Variants in PRPF40B observed in about 807,000 individuals in gnomAD.
The protein encoded by PRPF40B is pre-mRNA-processing factor 40 homolog B.
A neutral mutation model predicts 124.5 loss-of-function variants in PRPF40B; 56 were observed. The ratio of observed to expected loss-of-function variants is 0.45; its 90% CI spans 0.36 to 0.56. The LOEUF (loss-of-function observed/expected upper bound fraction) is 0.56, where lower values mean the gene tolerates loss of function less well. PRPF40B is among the 20% of genes least tolerant of loss of function. PRPF40B has a pLI of 0.00. For missense variants in PRPF40B, 1,053 were observed against 1,169.5 expected (o/e 0.90, Z 1.45); for synonymous variants, 443 against 426.4 (o/e 1.04, Z -0.48).
At chr12:49,636,888 G>T (rs535964869) in intron 16 of PRPF40B, 39 bp downstream of exon 16, 5 of 1,611,670 alleles carry the variant, frequency 3.1e-6, no homozygotes, top group Middle Eastern at 2.1e-4. Context: ...GCTCAGCTCT[G>T]CCCTAGAGCA....
rs773749747 is a variant in PRPF40B, at chr12:49,631,874, A to G, written c.243A>G (p.Val81=). 4.3e-6 allele frequency: 7 copies of G among 1,613,922 alleles called. No individual in the cohort carries two copies. The East Asian group carries it at 1.6e-4, about 36-fold the overall frequency. Residue 81 remains valine (V), a synonymous_variant, in exon 4 of 26, where the codon GTA becomes GTG. Transcript: ENST00000548825. The surrounding 1 kb of genome is among the most constrained non-coding windows in gnomAD (Gnocchi z 4.3). The part of the protein sequence containing the change: ...PPPLTQIPGM[V]PPMMPGMLMP... The stretch of plus-strand genomic sequence containing the variant: ...TGTATCCATAGATACCAGGAATGGT[A>G]CCTCCGATGATGCCAGGAATGCTGA...
chr12:49,632,275 CCTT>C (rs1941296394), intron 4 of PRPF40B: 3 of 574,454 alleles, frequency 5.2e-6, no homozygotes, highest in Non-Finnish European at 9.3e-6. Flanking sequence ...TCTTGCTGTG[CCTT>C]CTTATGCTAT....
Position 49,642,759 on chromosome 12 carries a change from T to C in PRPF40B, c.2118+84T>C. The C allele has an allele frequency of 1.3e-6, 2 of 1,491,472 alleles. No individual in the cohort carries two copies. Among genetic ancestry groups the C allele is most frequent in the Middle Eastern group, 1.7e-4 (1 of 5,860 alleles). The allele number at this position is 1,491,472 out of a possible 1,614,324, so 92.4% of individuals were successfully genotyped here. On this transcript the variant is annotated intron_variant, in intron 21 of 25. Coordinates refer to ENST00000548825, the MANE Select transcript of PRPF40B (RefSeq NM_001031698.3). The surrounding 1 kb of genome is among the most constrained non-coding windows in gnomAD (Gnocchi z 5.8). ...AACAGAGACCTCAGTGGCCTCCCTC[T>C]TACCCTTAGGGCACTCCTGGCCAGC... is the stretch of plus-strand genomic sequence containing the variant.
chr12:49,628,570 T>C (rs1385335692), intron 1 of PRPF40B, among the ~76,000 whole-genome samples: 1 of 146,254 alleles, frequency 6.8e-6, no homozygotes, highest in African/African-American at 2.6e-5. Flanking sequence ...CAGTTTTTTT[T>C]TTTTTTTTTT....
intron 4 of PRPF40B, chr12:49,632,392 C>T (rs756726115): frequency 3.5e-5 from 22 of 624,236 alleles, no homozygotes; most frequent in East Asian, 5.4e-5. Context: ...TTGAGGAGAA[C>T]GAAGAATGGA....
intron 10 of PRPF40B, 29 bp downstream of exon 10, chr12:49,634,121 A>T (rs766370886): frequency 6.2e-7 from 1 of 1,604,056 alleles, no homozygotes; most frequent in East Asian, 2.2e-5. Context: ...GGCATTCCCA[A>T]TGTTGGCCTC....
In PRPF40B at chr12:49,644,512, G is replaced by A; in HGVS notation, c.*320G>A. 1 of 364,112 alleles carries A rather than the reference G, an allele frequency of 2.7e-6. No homozygotes were observed. Among genetic ancestry groups the A allele is most frequent in the Non-Finnish European group, 5.3e-6 (1 of 189,644 alleles). The allele number at this position is 364,112 out of a possible 1,614,324, so 22.6% of individuals were successfully genotyped here. On this transcript the variant is annotated 3_prime_UTR_variant, in exon 26 of 26. Transcript: ENST00000548825. The stretch of plus-strand genomic sequence containing the variant: ...GAAGAGTCACAGGCTGTTGGACGCA[G>A]CCTGGGTGGCAGAGGGCAGGGTCAT...
chr12:49,636,360 A>G, intron 15 of PRPF40B: 1 of 403,442 alleles, frequency 2.5e-6, no homozygotes, highest in South Asian at 4.1e-5. Flanking sequence ...GTTGGCCTGT[A>G]ATTACTGATG....
At chr12:49,623,892 GA>G in intron 1 of PRPF40B, 2 of 1,175,116 alleles carry the variant, frequency 1.7e-6, no homozygotes, top group Non-Finnish European at 2.1e-6. Context: ...GAAAGATCGG[GA>G]AAGAAGAGAG....
rs547219479 is a variant in PRPF40B at position 49,631,305 on chromosome 12, G to T, written c.85-96G>T. Reference sequence around the variant, plus strand: ...TGCCTCAGAGCAGGGTGGAGGGTTGGGGAGGGAGGTGGTGGATATTTCCTG... The same window carrying T: ...TGCCTCAGAGCAGGGTGGAGGGTTGTGGAGGGAGGTGGTGGATATTTCCTG... On this transcript the variant is annotated intron_variant, in intron 2 of 25. Transcript: ENST00000548825. The surrounding 1 kb of genome is among the most constrained non-coding windows in gnomAD (Gnocchi z 4.3). The T allele has an allele frequency of 2.2e-6, 2 of 892,586 alleles. No homozygotes were observed. The highest frequency in any genetic ancestry group is 2.8e-5 in the East Asian group (1 of 35,588). 55.3% of individuals were successfully genotyped at this position (892,586 alleles called of 1,614,324 possible).
chr12:49,627,310 T>C (rs1940811292), intron 1 of PRPF40B, among the ~76,000 whole-genome samples: 1 of 152,148 alleles, frequency 6.6e-6, no homozygotes, highest in Non-Finnish European at 1.5e-5. Context: ...AATAGAAAAA[T>C]AATATAATCA....
chr12:49,631,689 T>A lies in PRPF40B; in HGVS notation c.228+145T>A. 1 of 1,298,770 alleles carries A rather than the reference T, an allele frequency of 7.7e-7. No individual in the cohort carries two copies. The highest frequency in any genetic ancestry group is 1.1e-6 in the Non-Finnish European group (1 of 912,148). 80.5% of individuals were successfully genotyped at this position (1,298,770 alleles called of 1,614,324 possible). A position where few individuals can be genotyped will look rare whatever the true frequency, so the allele number is the denominator to read the frequency against. ...CATGTGGATTTGTCTGCTGAATGAC[T>A]GAGACAACTCTCAGGCAAGGTGAGA... On this transcript the variant is annotated intron_variant, in intron 3 of 25. Transcript: ENST00000548825. The surrounding 1 kb of genome is among the most constrained non-coding windows in gnomAD (Gnocchi z 4.3).
chr12:49,632,705 C>T, intron 5 of PRPF40B, 82 bp downstream of exon 5: 11 of 1,596,460 alleles, frequency 6.9e-6, no homozygotes, highest in Non-Finnish European at 8.6e-6. Context: ...TGGAGCCCAC[C>T]CTGGATCATG....
At position 49,631,381 on chromosome 12, in the gene PRPF40B, C is replaced by T; in HGVS notation, c.85-20C>T. ...GCGATGTCTTCCCTGCTCAGTATCT[C>T]TTCCTTTACTCATTTCCAGATGCCC... On this transcript the variant is annotated intron_variant, in intron 2 of 25. Transcript: ENST00000548825. The surrounding 1 kb of genome is among the most constrained non-coding windows in gnomAD (Gnocchi z 4.3). 2 of 1,508,648 alleles carry T rather than the reference C, an allele frequency of 1.3e-6. No individual in the cohort carries two copies. The highest frequency in any genetic ancestry group is 8.8e-7 in the Non-Finnish European group (1 of 1,130,800). The allele number at this position is 1,508,648 out of a possible 1,614,324, so 93.5% of individuals were successfully genotyped here.
chr12:49,637,787 T>C lies in PRPF40B; in HGVS notation c.1730T>C (p.Phe577Ser), dbSNP rs1942054334. 1.2e-6 allele frequency: 2 copies of C among 1,612,568 alleles called. No individual in the cohort carries two copies. Among genetic ancestry groups the C allele is most frequent in the African/African-American group, 2.7e-5 (2 of 74,970 alleles). ...KFYVEELKAR[F>S]HDEKKIIKDI... ...TATGTGGAGGAGTTGAAGGCACGAT[T>C]CCATGATGAAAAGAAGATCATTAAG... The change falls in exon 18 of 26, where the codon TTC (phenylalanine) becomes TCC (serine). Residue 577 changes from phenylalanine (F) to serine (S), a missense_variant. Around this residue, in one of 2 missense-constraint regions of PRPF40B, gnomAD observed 895 missense variants for 1,052.2 expected, o/e 0.85. Coordinates refer to ENST00000548825, the MANE Select transcript of PRPF40B (RefSeq NM_001031698.3).
At chr12:49,624,569 G>A (rs977201777) in intron 1 of PRPF40B, among the ~76,000 whole-genome samples, 2 of 152,222 alleles carry the variant, frequency 1.3e-5, no homozygotes, top group South Asian at 2.1e-4. Flanking sequence ...AGCAACAGGG[G>A]CCGGGCGCGG....
At chr12:49,623,362 ACGCGGCGG>A (rs751358975), upstream of PRPF40B, 9 of 210,622 alleles carry the variant, frequency 4.3e-5, 1 homozygote, top group Non-Finnish European at 8.2e-5. Flanking sequence ...CGGACCCGGG[ACGCGGCGG>A]CGCGGGGGCG....
rs2138516569 is a variant in PRPF40B at position 49,635,741 on chromosome 12, TC to T, written c.1276-100del. The T allele has an allele frequency of 7.0e-7, 1 of 1,421,696 alleles. No homozygotes were observed. The highest frequency in any genetic ancestry group is 1.4e-5 in the African/African-American group (1 of 71,076). 88.1% of individuals were successfully genotyped at this position (1,421,696 alleles called of 1,614,324 possible). A position where few individuals can be genotyped will look rare whatever the true frequency, so the allele number is the denominator to read the frequency against. On this transcript the variant is annotated intron_variant, in intron 14 of 25. Transcript: ENST00000548825. This position sits in a 1 kb window ranked among gnomAD's most constrained non-coding sequence, Gnocchi z 4.1. Reference sequence around the variant, plus strand: ...ATGAAAGTCTTGAGTATGGCCTTCTTCCTAGGGTTCCCTAGCTACCTTTCCC... The same window carrying T: ...ATGAAAGTCTTGAGTATGGCCTTCTTCTAGGGTTCCCTAGCTACCTTTCCC...
chr12:49,632,576 CCCT>C lies in PRPF40B; in HGVS notation c.295-15_295-13del, dbSNP rs748835386. 5.6e-6 allele frequency: 9 copies of C among 1,613,232 alleles called. No individual in the cohort carries two copies. The African/African-American group carries it at 8.0e-5, about 14-fold the overall frequency. The stretch of plus-strand genomic sequence containing the variant: ...CACTGGGCTTGGCCCCAACCCTTCC[CCCT>C]CCTCTTTCTTCGGCAGACGGCTCCG... On this transcript the variant is annotated splice_polypyrimidine_tract_variant and intron_variant, in intron 4 of 25. Transcript: ENST00000548825.
Sources: gnomAD v4.1 joint callset for allele counts (sites outside exome capture counted in the v4.1 genomes callset) on GRCh38, gnomAD v4.1.1 for gene constraint, gnomAD v4.1.1 regional missense constraint, Gnocchi (gnomAD v3.1) non-coding constraint, MANE v1.5 for transcripts, NCBI Gene and HGNC (gene_info 2026-07-23, HGNC 2026-07-21) for gene names.